The following RBPMS variants were observed in gnomAD, a reference collection of about 807,000 sequenced individuals.
RBPMS encodes RNA-binding protein with multiple splicing.
A neutral mutation model predicts 26.8 loss-of-function variants in RBPMS; 7 were observed. The ratio of observed to expected loss-of-function variants is 0.26; its 90% confidence interval spans 0.15 to 0.49. The LOEUF is 0.49. Ranked by LOEUF, RBPMS falls within the 20% of genes least tolerant of loss-of-function variation. RBPMS has a pLI of 0.98. For missense variants in RBPMS, 186 were observed against 250.0 expected, an observed-to-expected ratio of 0.74 and a Z score of 1.73; for synonymous variants, 96 against 93.3, an observed-to-expected ratio of 1.03 and a Z score of -0.17.
At chr8:30,567,783 G>A (rs1015834777) in intron 8 of RBPMS, among the ~76,000 whole-genome samples, 3 of 152,240 alleles carry the variant, frequency 2.0e-5, no homozygotes, top group African/African-American at 7.2e-5. Context: ...TGAGGATCAG[G>A]TTGCAAATGC....
At position 30,410,383 on chromosome 8, in the gene RBPMS, T is replaced by C. The variant is rs1219082269; in HGVS notation, c.66+25225T>C. On this transcript the variant is annotated intron_variant, in intron 1 of 8. Transcript: ENST00000397323. ...GCCAACATGCCCGGCTAATTTTTTG[T>C]ATTTTTAGTAGAGATGGGGTTTCAC... Among the ~76,000 whole-genome samples, 3 of 151,984 alleles carry C rather than the reference T, an allele frequency of 2.0e-5. No individual in the cohort carries two copies. In the East Asian group the frequency reaches 5.8e-4, roughly 29 times the overall value.
intron 4 of RBPMS, among the ~76,000 whole-genome samples, chr8:30,486,550 T>C (rs1470256319): frequency 1.3e-5 from 2 of 151,912 alleles, no homozygotes; most frequent in Non-Finnish European, 2.9e-5. Context: ...GGAGAATCGC[T>C]TGAACCCGGG....
chr8:30,545,262 A>G (rs1825777493), intron 6 of RBPMS: 1 of 1,220,932 alleles, frequency 8.2e-7, no homozygotes, highest in African/African-American at 1.6e-5. Context: ...CTTAGTTAAA[A>G]ATAGCCTGAT....
intron 1 of RBPMS, among the ~76,000 whole-genome samples, chr8:30,435,343 A>C (rs530594046): frequency 7.9e-5 from 12 of 152,304 alleles, no homozygotes; most frequent in African/African-American, 2.9e-4. Context: ...CTGAAATTGA[A>C]AACACTTCTG....
At chr8:30,424,628 A>G (rs182504628) in intron 1 of RBPMS, among the ~76,000 whole-genome samples, 2 of 152,322 alleles carry the variant, frequency 1.3e-5, no homozygotes, top group Admixed American at 1.3e-4. Context: ...TGTTTGTAAG[A>G]AGAGAATGAG....
chr8:30,395,461 CAAAAA>C (rs55914538), intron 1 of RBPMS, among the ~76,000 whole-genome samples: 4 of 43,804 alleles, frequency 9.1e-5, no homozygotes, highest in African/African-American at 5.3e-4. Context: ...GACTCTGTCT[CAAAAA>C]AAAAAAAAAA....
chr8:30,438,201 A>G (rs545827033), intron 1 of RBPMS, among the ~76,000 whole-genome samples: 27 of 152,250 alleles, frequency 1.8e-4, no homozygotes, highest in South Asian at 1.2e-3. Context: ...AGGATCACCT[A>G]TGTAGCCAGG....
At chr8:30,422,271 A>G (rs1485205838) in intron 1 of RBPMS, among the ~76,000 whole-genome samples, 1 of 151,656 alleles carries the variant, frequency 6.6e-6, no homozygotes, top group African/African-American at 2.4e-5. Flanking sequence ...ACCCTCCATC[A>G]TGTCTGGCTA....
chr8:30,514,886 C>T (rs987968044), intron 5 of RBPMS, among the ~76,000 whole-genome samples: 2 of 151,972 alleles, frequency 1.3e-5, no homozygotes, highest in African/African-American at 4.8e-5. Context: ...ATCCACATAA[C>T]TCATTGAACC....
Position 30,550,893 on chromosome 8 carries a change from G to A in RBPMS, c.528+6269G>A, listed in dbSNP as rs146879156. On this transcript the variant is annotated intron_variant, in intron 6 of 8. Coordinates refer to ENST00000397323, the MANE Select transcript of RBPMS (RefSeq NM_001008710.3). ...CTCACGAGTTACTTTACACAAACCC[G>A]CTGTCCCTGACCTTTCCAGCTGCAG... Among the ~76,000 whole-genome samples the A allele has an allele frequency of 4.5e-3, 689 of 152,248 alleles. 5 individuals carry two copies. The highest frequency in any genetic ancestry group is 0.015 in the African/African-American group (632 of 41,530).
At chr8:30,432,646 T>C (rs1242278377) in intron 1 of RBPMS, among the ~76,000 whole-genome samples, 5 of 152,174 alleles carry the variant, frequency 3.3e-5, no homozygotes, top group South Asian at 4.1e-4. Flanking sequence ...ATTAATAAAG[T>C]GTAGTGTGTA....
intron 1 of RBPMS, among the ~76,000 whole-genome samples, chr8:30,451,905 T>C (rs1055474686): frequency 6.6e-6 from 1 of 152,180 alleles, no homozygotes; most frequent in Non-Finnish European, 1.5e-5. Context: ...AATGATTGTG[T>C]TTCTTTTCTA....
intron 1 of RBPMS, among the ~76,000 whole-genome samples, chr8:30,465,738 G>A (rs76054886): frequency 2.4e-4 from 36 of 152,282 alleles, no homozygotes; most frequent in East Asian, 2.3e-3. Context: ...GCAGTGTGCC[G>A]AAATCGTGCC....
chr8:30,540,629 G>T (rs527693842), intron 5 of RBPMS, among the ~76,000 whole-genome samples: 1 of 152,102 alleles, frequency 6.6e-6, no homozygotes, highest in Non-Finnish European at 1.5e-5. Context: ...TCGCTATGTT[G>T]CCCAAGCTTG....
chr8:30,550,085 T>C (rs1197460836), intron 6 of RBPMS, among the ~76,000 whole-genome samples: 2 of 152,064 alleles, frequency 1.3e-5, no homozygotes, highest in Non-Finnish European at 2.9e-5. Context: ...CTCATGACCT[T>C]ATGATCTGCC....
chr8:30,409,729 T>G (rs1809075610), intron 1 of RBPMS, among the ~76,000 whole-genome samples: 2 of 151,902 alleles, frequency 1.3e-5, no homozygotes, highest in African/African-American at 2.4e-5. Flanking sequence ...GACTCCCTGG[T>G]TCAAGCGATT....
chr8:30,489,415 A>G (rs569637414), intron 4 of RBPMS, among the ~76,000 whole-genome samples: 2 of 152,084 alleles, frequency 1.3e-5, no homozygotes, highest in African/African-American at 2.4e-5. Flanking sequence ...GATAATGACA[A>G]CCTTCACAAA....
At chr8:30,482,641 C>T (rs571194395) in intron 4 of RBPMS, among the ~76,000 whole-genome samples, 4 of 152,268 alleles carry the variant, frequency 2.6e-5, no homozygotes, top group Admixed American at 6.5e-5. Context: ...AAATACAGTA[C>T]GTTTTGTTTC....
chr8:30,529,648 A>G (rs936071355), intron 5 of RBPMS, among the ~76,000 whole-genome samples: 2 of 152,140 alleles, frequency 1.3e-5, no homozygotes, highest in African/African-American at 4.8e-5. Flanking sequence ...GAGACATCAT[A>G]TAAGTGGAGT....
Sources: gnomAD v4.1 joint callset for allele counts (sites outside exome capture counted in the v4.1 genomes callset) on GRCh38, gnomAD v4.1.1 for gene constraint, MANE v1.5 for transcripts, NCBI Gene and HGNC (gene_info 2026-07-23, HGNC 2026-07-21) for gene names.